The following FTO variants were observed in gnomAD, a reference collection of about 807,000 sequenced individuals.
The protein encoded by FTO is FTO alpha-ketoglutarate dependent dioxygenase.
A neutral mutation model predicts 63.9 loss-of-function variants in FTO; 47 were observed. That is an observed-to-expected ratio of 0.74 (90% CI 0.58 to 0.94). The LOEUF is 0.94. FTO is among the 40% of genes least tolerant of loss of function. The pLI is 0.00. For synonymous variants in FTO, 207 were observed against 224.4 expected, an observed-to-expected ratio of 0.92 and a Z score of 0.69; for missense variants, 562 against 618.1, an observed-to-expected ratio of 0.91 and a Z score of 0.96.
chr16:53,706,132 C>T (rs1242541228), intron 1 of FTO, among the ~76,000 whole-genome samples: 2 of 152,102 alleles, frequency 1.3e-5, no homozygotes, highest in East Asian at 3.8e-4. Flanking sequence ...AGCAAATTGT[C>T]TTCCTTTTTT....
chr16:53,778,870 T>G (rs993302850), intron 1 of FTO, among the ~76,000 whole-genome samples: 3 of 151,926 alleles, frequency 2.0e-5, no homozygotes, highest in African/African-American at 7.3e-5. Flanking sequence ...TTTTTTTTTT[T>G]TTTTGAATTG....
chr16:53,787,581 G>T (rs543226244), intron 1 of FTO, among the ~76,000 whole-genome samples: 1 of 152,234 alleles, frequency 6.6e-6, no homozygotes, highest in South Asian at 2.1e-4. Context: ...AGGAATTGTT[G>T]TCAGTAGGAG....
At chr16:53,851,092 T>C (rs1480625488) in intron 4 of FTO, among the ~76,000 whole-genome samples, 1 of 152,042 alleles carries the variant, frequency 6.6e-6, no homozygotes, top group African/African-American at 2.4e-5. Flanking sequence ...CTATTCTTTC[T>C]TCCACTGACG....
rs187884021 is a variant in FTO at position 53,839,178 on chromosome 16, C to T, written c.752-4977C>T. ...ATTTAAACTTGACTTTTAAACTTAA[C>T]AGTCTTTTGTATGTTGTCACATCTT... On this transcript the variant is annotated intron_variant, in intron 3 of 8. Transcript: ENST00000471389. Among the ~76,000 whole-genome samples, 98 of 152,270 alleles carry T rather than the reference C, an allele frequency of 6.4e-4. No individual in the cohort carries two copies. In the Middle Eastern group the frequency reaches 0.014, roughly 21 times the overall value.
chr16:53,762,577 C>T (rs1478613417), intron 1 of FTO, among the ~76,000 whole-genome samples: 9 of 152,042 alleles, frequency 5.9e-5, no homozygotes, highest in African/African-American at 1.2e-4. Flanking sequence ...ATAGAGCATG[C>T]GAGGGTGGGG....
chr16:53,948,972 G>A (rs1194605532), intron 8 of FTO, among the ~76,000 whole-genome samples: 3 of 152,148 alleles, frequency 2.0e-5, no homozygotes, highest in African/African-American at 4.8e-5. Flanking sequence ...ATGTGTGTAC[G>A]TGTGTGTTGC....
chr16:53,855,918 G>A (rs1567365405), intron 4 of FTO, among the ~76,000 whole-genome samples: 1 of 152,090 alleles, frequency 6.6e-6, no homozygotes, highest in Non-Finnish European at 1.5e-5. Flanking sequence ...GTTTTACTAT[G>A]CATTTTGAAA....
intron 2 of FTO, among the ~76,000 whole-genome samples, chr16:53,821,034 T>A (rs1034736709): frequency 7.2e-5 from 11 of 152,170 alleles, no homozygotes; most frequent in Non-Finnish European, 1.2e-4. Context: ...GATATTTATG[T>A]GGTTATATGT....
chr16:53,764,707 A>C (rs1264272425), intron 1 of FTO, among the ~76,000 whole-genome samples: 2 of 151,676 alleles, frequency 1.3e-5, no homozygotes, highest in African/African-American at 2.4e-5. Flanking sequence ...GCAAATAAAA[A>C]TTGGTCTGTT....
At chr16:54,064,120 G>T (rs963639011) in intron 8 of FTO, among the ~76,000 whole-genome samples, 1 of 151,980 alleles carries the variant, frequency 6.6e-6, no homozygotes, top group Non-Finnish European at 1.5e-5. Flanking sequence ...TAGGGTACTG[G>T]TAATTCTAGA....
chr16:53,900,634 T>TG (rs1387059071), intron 7 of FTO, among the ~76,000 whole-genome samples: 1 of 136,698 alleles, frequency 7.3e-6, no homozygotes, highest in Non-Finnish European at 1.6e-5. Flanking sequence ...TTTTTTTTTT[T>TG]TGCAGATAAG....
At chr16:54,105,479 C>G (rs1374765684) in intron 8 of FTO, among the ~76,000 whole-genome samples, 3 of 152,080 alleles carry the variant, frequency 2.0e-5, no homozygotes, top group Non-Finnish European at 4.4e-5. Context: ...GGGGTCTGAC[C>G]CGCCCTGGCT....
chr16:53,749,902 C>T (rs1340321296), intron 1 of FTO, among the ~76,000 whole-genome samples: 4 of 152,094 alleles, frequency 2.6e-5, no homozygotes, highest in Non-Finnish European at 4.4e-5. Context: ...ATGAGATGAC[C>T]ATCTGGTTTT....
At chr16:53,723,828 A>G (rs1421084) in intron 1 of FTO, among the ~76,000 whole-genome samples, 16,038 of 152,148 alleles carry the variant, frequency 0.11, 1,669 homozygotes, top group African/African-American at 0.27. Context: ...ACAAATACCA[A>G]GATAGGGTTT....
At position 53,893,256 on chromosome 16, in the gene FTO, A is replaced by G. The variant is rs930449084; in HGVS notation, c.1239+4305A>G. ...TGCTCCCTATTGAGGATGGCATTATAACACTATAATACTATTCAAATATTT... is the reference window on the plus strand; with the variant it reads ...TGCTCCCTATTGAGGATGGCATTATGACACTATAATACTATTCAAATATTT... On this transcript the variant is annotated intron_variant, in intron 7 of 8. Coordinates refer to ENST00000471389, the MANE Select transcript of FTO (RefSeq NM_001080432.3). 1.3e-4 allele frequency among the ~76,000 whole-genome samples: 20 copies of G among 152,254 alleles called. 1 individual carries two copies. The highest frequency in any genetic ancestry group is 1.1e-3 in the Admixed American group (17 of 15,282).
chr16:54,090,377 G>A (rs2086356645), intron 8 of FTO, among the ~76,000 whole-genome samples: 1 of 152,194 alleles, frequency 6.6e-6, no homozygotes, highest in South Asian at 2.1e-4. Context: ...GGGGCTGGGA[G>A]AAGGGAAATG....
Position 54,111,983 on chromosome 16 carries a change from T to A in FTO, c.*68T>A. ...TTTCTCCTCCAACGTTGTCATGGGC[T>A]TAAGCAAGAGCAGTGGAGACTTCTC... On this transcript the variant is annotated 3_prime_UTR_variant, in exon 9 of 9. Transcript: ENST00000471389. 6.3e-7 allele frequency: 1 copy of A among 1,578,786 alleles called. No homozygotes were observed.
At chr16:53,952,490 G>A (rs2082823508) in intron 8 of FTO, among the ~76,000 whole-genome samples, 1 of 152,144 alleles carries the variant, frequency 6.6e-6, no homozygotes, top group Non-Finnish European at 1.5e-5. Flanking sequence ...GATGACAAGG[G>A]TCAGTGGAGC....
chr16:54,089,569 T>G (rs1290418428), intron 8 of FTO, among the ~76,000 whole-genome samples: 1 of 152,054 alleles, frequency 6.6e-6, no homozygotes, highest in Non-Finnish European at 1.5e-5. Context: ...CTCTTATGCA[T>G]CAAGAATGCT....
Sources: gnomAD v4.1 joint callset for allele counts (sites outside exome capture counted in the v4.1 genomes callset) on GRCh38, gnomAD v4.1.1 for gene constraint, MANE v1.5 for transcripts, NCBI Gene and HGNC (gene_info 2026-07-23, HGNC 2026-07-21) for gene names.